NMI: variants seen among roughly 807,000 people sequenced by gnomAD.
The protein encoded by NMI is N-myc and STAT interactor.
Under a neutral mutation model 34.3 loss-of-function variants are expected in NMI, and 39 were observed. The observed-to-expected ratio is 1.14, with a 90% CI of 0.88 to 1.49. The LOEUF is 1.49. Ranked by LOEUF, NMI falls within the 40% of genes most tolerant of loss-of-function variation. NMI has a pLI of 0.00. For synonymous variants in NMI, 113 were observed against 120.3 expected (o/e 0.94, Z 0.40); for missense variants, 339 against 358.1 (o/e 0.95, Z 0.43).
At position 151,275,476 on chromosome 2, in the gene NMI, T is replaced by C; in HGVS notation, c.634+8A>G. The C allele has an allele frequency of 6.2e-7, 1 of 1,612,394 alleles. No homozygotes were observed. ...GAGTGTCTGTTAACCTTCTACACCC[T>C]TGAGTACCTCCAATCTCCACAAACG... On this transcript the variant is annotated splice_region_variant and intron_variant, in intron 6 of 7. Transcript: ENST00000243346.
At chr2:151,285,871 G>A (rs1159944863) in intron 1 of NMI, among the ~76,000 whole-genome samples, 1 of 152,174 alleles carries the variant, frequency 6.6e-6, no homozygotes, top group Non-Finnish European at 1.5e-5. Context: ...CTTAAAGAAT[G>A]ATGATGACAT....
chr2:151,286,209 CA>C (rs1360101664), intron 1 of NMI, among the ~76,000 whole-genome samples: 1 of 152,122 alleles, frequency 6.6e-6, no homozygotes, highest in Non-Finnish European at 1.5e-5. Flanking sequence ...ACTGAGAACA[CA>C]ATGTAACTTC....
chr2:151,289,546 A>G (rs1286834457), intron 1 of NMI, 47 bp downstream of exon 1: 4 of 152,208 alleles, frequency 2.6e-5, no homozygotes, highest in African/African-American at 9.7e-5. Flanking sequence ...CCAGCCCGGG[A>G]CTGCCAGCGG....
rs531122957 is a variant in NMI, at chr2:151,283,204, G to A, written c.-6-250C>T. On this transcript the variant is annotated intron_variant, in intron 1 of 7. Transcript: ENST00000243346. ...CGCCCAGGCTGGAGGGCAATGGTGC[G>A]ATCTTGGCTCACTGCAACCTCTGCC... 1.8e-4 allele frequency among the ~76,000 whole-genome samples: 27 copies of A among 151,782 alleles called. No homozygotes were observed. The South Asian group carries it at 3.1e-3, about 18-fold the overall frequency.
chr2:151,271,095 G>C (rs1366933676), intron 7 of NMI, among the ~76,000 whole-genome samples: 2 of 152,198 alleles, frequency 1.3e-5, no homozygotes, highest in East Asian at 1.9e-4. Context: ...GATGCTCTGG[G>C]AACAGAAAGA....
chr2:151,272,435 C>T (rs190367385), intron 6 of NMI, among the ~76,000 whole-genome samples: 10 of 151,914 alleles, frequency 6.6e-5, no homozygotes, highest in Admixed American at 6.6e-5. Context: ...CCCTCATTGG[C>T]GAGAATATGG....
chr2:151,279,873 A>C (rs1683358290), intron 3 of NMI, among the ~76,000 whole-genome samples: 1 of 152,134 alleles, frequency 6.6e-6, no homozygotes, highest in Non-Finnish European at 1.5e-5. Context: ...TTAGGTTTAT[A>C]AAAAATGAGA....
chr2:151,275,083 G>C (rs1410352963), intron 6 of NMI, among the ~76,000 whole-genome samples: 1 of 151,326 alleles, frequency 6.6e-6, no homozygotes, highest in African/African-American at 2.4e-5. Context: ...CTGGGTTCAA[G>C]TGATTCTCCC....
chr2:151,270,953 T>G lies in NMI; in HGVS notation c.742-78A>C, dbSNP rs897197097. The G allele has an allele frequency of 3.0e-5, 32 of 1,079,970 alleles. No individual in the cohort carries two copies. In the African/African-American group the frequency reaches 3.7e-4, roughly 13 times the overall value. 66.9% of individuals were successfully genotyped at this position (1,079,970 alleles called of 1,614,324 possible). ...AAACTTTACATTCATAATCTCTGCT[T>G]AATATTTTTTATTTTATCTTAGAAG... On this transcript the variant is annotated intron_variant, in intron 7 of 7. Transcript: ENST00000243346.
chr2:151,274,365 AAAAAAAAAG>A (rs1683245604), intron 6 of NMI, among the ~76,000 whole-genome samples: 1 of 150,772 alleles, frequency 6.6e-6, no homozygotes, highest in Non-Finnish European at 1.5e-5. Flanking sequence ...AAAAAAAAAA[AAAAAAAAAG>A]GATATTGACA....
In NMI at chr2:151,282,915, G is replaced by T. The variant is rs1208067748; in HGVS notation, c.34C>A (p.Leu12Ile). 1 of 1,533,188 alleles carries T rather than the reference G, an allele frequency of 6.5e-7. No individual in the cohort carries two copies. Among genetic ancestry groups the T allele is most frequent in the South Asian group, 1.3e-5 (1 of 78,960 alleles). 95.0% of individuals were successfully genotyped at this position (1,533,188 alleles called of 1,614,324 possible). ...AATTCATCTGGCGAATGCTCCTTAA[G>T]AATTTGTTGTGTGTCATCTTTATCA... ...EADKDDTQQI[L>I]KEHSPDEFIK... is the part of the protein sequence containing the mutation. Residue 12 changes from leucine (L) to isoleucine (I), a missense_variant, in exon 2 of 8, where the codon CTT becomes ATT. By Grantham distance (5) the Leu-to-Ile change is conservative (BLOSUM62 2). Transcript: ENST00000243346.
rs945561866 is a variant in NMI, at chr2:151,287,349, G to A, written c.-7+2244C>T. On this transcript the variant is annotated intron_variant, in intron 1 of 7. Transcript: ENST00000243346. ...CACATACACACACACACACACACAC[G>A]CATACATATATACATATATATCGCT... is the stretch of plus-strand genomic sequence containing the variant. Among the ~76,000 whole-genome samples the A allele has an allele frequency of 1.9e-4, 21 of 108,708 alleles. No individual in the cohort carries two copies. The South Asian group carries it at 4.1e-3, about 21-fold the overall frequency. 71.3% of individuals were successfully genotyped at this position (108,708 alleles called of 152,430 possible).
chr2:151,282,193 G>T, intron 2 of NMI, 150 bp from the exon 3 acceptor site: 2 of 561,852 alleles, frequency 3.6e-6, no homozygotes, highest in Non-Finnish European at 6.2e-6. Flanking sequence ...TAATGCATTT[G>T]TTGAATATTT....
chr2:151,271,525 A>G (rs1037693767), intron 7 of NMI, 101 bp downstream of exon 7: 5 of 722,108 alleles, frequency 6.9e-6, no homozygotes, highest in South Asian at 1.6e-5. Context: ...GCTATCCCTC[A>G]TTGATAAGAT....
At chr2:151,280,699 G>A (rs989339371) in intron 3 of NMI, among the ~76,000 whole-genome samples, 3 of 152,170 alleles carry the variant, frequency 2.0e-5, no homozygotes, top group Admixed American at 6.5e-5. Context: ...TTATAAGACT[G>A]CATGATTCTA....
At chr2:151,283,101 A>C (rs1227333561) in intron 1 of NMI, 147 bp from the exon 2 acceptor site, 1 of 432,210 alleles carries the variant, frequency 2.3e-6, no homozygotes, top group Non-Finnish European at 4.1e-6. Flanking sequence ...TTATTATCAT[A>C]TGGCTTATAT....
Position 151,289,575 on chromosome 2 carries a change from A to T in NMI, c.-7+18T>A, listed in dbSNP as rs953729279. On this transcript the variant is annotated intron_variant, in intron 1 of 7. Coordinates refer to ENST00000243346, the MANE Select transcript of NMI (RefSeq NM_004688.3). Reference sequence around the variant, plus strand: ...CCAGCGGCGGGAGTGGCAGCCGGGGAAGGGACTCCCCACTCACCCGCGTCC... The same window carrying T: ...CCAGCGGCGGGAGTGGCAGCCGGGGTAGGGACTCCCCACTCACCCGCGTCC... 1.3e-5 allele frequency: 2 copies of T among 151,930 alleles called. No individual in the cohort carries two copies. The highest frequency in any genetic ancestry group is 2.9e-5 in the Non-Finnish European group (2 of 67,914). 9.4% of individuals were successfully genotyped at this position (151,930 alleles called of 1,614,324 possible).
intron 6 of NMI, among the ~76,000 whole-genome samples, chr2:151,274,117 C>A (rs539522704): frequency 6.6e-6 from 1 of 151,544 alleles, no homozygotes; most frequent in Non-Finnish European, 1.5e-5. Flanking sequence ...CCAAGGCGGG[C>A]GTATCACTTG....
intron 2 of NMI, 149 bp downstream of exon 2, chr2:151,282,719 A>G (rs548685808): frequency 2.2e-6 from 1 of 460,536 alleles, no homozygotes; most frequent in East Asian, 3.8e-5. Context: ...TAAGGCTTAA[A>G]TAACATAATG....
Sources: gnomAD v4.1 joint callset for allele counts (sites outside exome capture counted in the v4.1 genomes callset) on GRCh38, gnomAD v4.1.1 for gene constraint, MANE v1.5 for transcripts, NCBI Gene and HGNC (gene_info 2026-07-23, HGNC 2026-07-21) for gene names.